Variants in MAP3K4 observed in about 807,000 individuals in gnomAD.
The protein encoded by MAP3K4 is MAP three kinase 1.
MAP3K4 carries 67 observed loss-of-function variants against 185.6 expected under a neutral mutation model. That is an observed-to-expected ratio of 0.36 (90% CI 0.30 to 0.44). The LOEUF (loss-of-function observed/expected upper bound fraction) is 0.44, where lower values mean the gene tolerates loss of function less well. Ranked by LOEUF, MAP3K4 falls within the 20% of genes least tolerant of loss-of-function variation. The probability of loss-of-function intolerance (pLI) is 1.00; values close to 1 mark genes in which losing one functional copy is unlikely to be tolerated. For missense variants in MAP3K4, 1,551 were observed against 1,995.1 expected (o/e 0.78, Z 4.24); for synonymous variants, 702 against 710.4 (o/e 0.99, Z 0.19).
Position 161,107,055 on chromosome 6 carries a change from C to G in MAP3K4, c.4048+350C>G, listed in dbSNP as rs1267763751. Among the ~76,000 whole-genome samples the G allele has an allele frequency of 7.9e-6, 1 of 126,804 alleles. No homozygotes were observed. The highest frequency in any genetic ancestry group is 2.6e-5 in the African/African-American group (1 of 39,194). The allele number at this position is 126,804 out of a possible 152,430, so 83.2% of individuals were successfully genotyped here. ...CTCTCTCTACACACGCGCGCGCACA[C>G]ACACACACACACACACACACACACG... On this transcript the variant is annotated intron_variant, in intron 20 of 26. Transcript: ENST00000392142. This position sits in a 1 kb window ranked among gnomAD's most constrained non-coding sequence, Gnocchi z 6.2.
chr6:161,113,911 C>T (rs1778477674), intron 25 of MAP3K4, among the ~76,000 whole-genome samples: 1 of 148,022 alleles, frequency 6.8e-6, no homozygotes, highest in Non-Finnish European at 1.5e-5. Flanking sequence ...AATTCTTCTG[C>T]CTCAGCCTCC....
At chr6:161,027,422 G>T (rs1782725934) in intron 1 of MAP3K4, among the ~76,000 whole-genome samples, 1 of 152,110 alleles carries the variant, frequency 6.6e-6, no homozygotes, top group African/African-American at 2.4e-5. Context: ...GTCAGTATAG[G>T]TGAGTAACAT....
rs554780487 is a variant in MAP3K4 at position 161,110,779 on chromosome 6, A to C, written c.4396+865A>C. Among the ~76,000 whole-genome samples, 58 of 152,192 alleles carry C rather than the reference A, an allele frequency of 3.8e-4. No homozygotes were observed. Among genetic ancestry groups the C allele is most frequent in the Non-Finnish European group, 6.8e-4 (46 of 68,008 alleles). On this transcript the variant is annotated intron_variant, in intron 23 of 26. Transcript: ENST00000392142. This position sits in a 1 kb window ranked among gnomAD's most constrained non-coding sequence, Gnocchi z 4.8. ...GAATCACCCAGCATACACCGGTCTC[A>C]TTGGCTGCCTGCCTGTCCGCTACCT...
Position 161,086,664 on chromosome 6 carries a change from C to G in MAP3K4, c.2553C>G (p.Val851=), listed in dbSNP as rs1461627558. Residue 851 remains valine (V), a synonymous_variant, in exon 9 of 27, where the codon GTC becomes GTG. Coordinates refer to ENST00000392142, the MANE Select transcript of MAP3K4 (RefSeq NM_005922.4). The surrounding 1 kb of genome is among the most constrained non-coding windows in gnomAD (Gnocchi z 4.8). ...LLDVLKSKQY[V]KVQIPGLENL... ...ATGTTCTGAAATCAAAACAGTATGT[C>G]AAGGTAAGTACTTCAAATGTTGTGA... The G allele has an allele frequency of 6.2e-7, 1 of 1,609,748 alleles. No homozygotes were observed. Among genetic ancestry groups the G allele is most frequent in the African/African-American group, 1.3e-5 (1 of 74,694 alleles).
In MAP3K4 at chr6:161,054,514, T is replaced by A. The variant is rs907195211; in HGVS notation, c.1707+4535T>A. Reference sequence around the variant, plus strand: ...TCAAAATATTTTAAAAGAACTGAACTAGCAATACTAAAAAAAAATCTGTTT... The same window carrying A: ...TCAAAATATTTTAAAAGAACTGAACAAGCAATACTAAAAAAAAATCTGTTT... On this transcript the variant is annotated intron_variant, in intron 3 of 26. Transcript: ENST00000392142. This position sits in a 1 kb window ranked among gnomAD's most constrained non-coding sequence, Gnocchi z 4.2. Among the ~76,000 whole-genome samples the A allele has an allele frequency of 1.3e-5, 2 of 152,144 alleles. No individual in the cohort carries two copies. Among genetic ancestry groups the A allele is most frequent in the African/African-American group, 4.8e-5 (2 of 41,404 alleles).
chr6:161,087,362 A>G lies in MAP3K4; in HGVS notation c.2557-326A>G, dbSNP rs1381705816. ...CCAGGTGACTTTTTGTAAGCATCAC[A>G]AACTAGCAGTGGTTGAGGTTCTTTC... On this transcript the variant is annotated intron_variant, in intron 9 of 26. Coordinates refer to ENST00000392142, the MANE Select transcript of MAP3K4 (RefSeq NM_005922.4). This position sits in a 1 kb window ranked among gnomAD's most constrained non-coding sequence, Gnocchi z 4.9. Among the ~76,000 whole-genome samples, 1 of 152,230 alleles carries G rather than the reference A, an allele frequency of 6.6e-6. No individual in the cohort carries two copies.
At chr6:161,102,064 G>C (rs2114896412) in intron 18 of MAP3K4, 72 bp downstream of exon 18, 14 of 1,203,770 alleles carry the variant, frequency 1.2e-5, no homozygotes, top group Middle Eastern at 1.9e-4. Flanking sequence ...AGTTTCTGTT[G>C]TTAATGCCTT....
chr6:161,070,093 C>T lies in MAP3K4; in HGVS notation c.1708-515C>T, dbSNP rs888910226. ...GATTTTTTAATTTTTCTGTCAGCAT[C>T]GTTCATTACAGCTCAGGGGAACAAA... On this transcript the variant is annotated intron_variant, in intron 3 of 26. Transcript: ENST00000392142. This position sits in a 1 kb window ranked among gnomAD's most constrained non-coding sequence, Gnocchi z 4.5. Among the ~76,000 whole-genome samples, 2 of 152,140 alleles carry T rather than the reference C, an allele frequency of 1.3e-5. No homozygotes were observed. The highest frequency in any genetic ancestry group is 6.5e-5 in the Admixed American group (1 of 15,272).
Position 161,048,680 on chromosome 6 carries a change from A to C in MAP3K4, c.408A>C (p.Glu136Asp). 6.2e-7 allele frequency: 1 copy of C among 1,613,886 alleles called. No homozygotes were observed. Among genetic ancestry groups the C allele is most frequent in the African/African-American group, 1.3e-5 (1 of 75,036 alleles). ...KDTGKTVENV[E>D]EYSYKQEKKI... ...CTGGAAAAACAGTGGAGAATGTGGA[A>C]GAATACAGCTATAAGCAGGAGAAAA... Residue 136 changes from glutamate (E) to aspartate (D), a missense_variant, in exon 3 of 27, where the codon GAA (glutamate) becomes GAC (aspartate). Around this residue, in one of 16 missense-constraint regions of MAP3K4, gnomAD observed 287 missense variants for 268.8 expected, o/e 1.07. Transcript: ENST00000392142. The surrounding 1 kb of genome is among the most constrained non-coding windows in gnomAD (Gnocchi z 4.7).
chr6:161,115,276 C>T lies in MAP3K4; in HGVS notation c.4780C>T (p.Gln1594Ter). Residue 1594 changes from glutamine to a stop codon, truncating the protein, a stop_gained, in exon 26 of 27, where the codon CAG becomes TAG. Transcript: ENST00000392142. LOFTEE classifies it high-confidence loss of function. This position sits in a 1 kb window ranked among gnomAD's most constrained non-coding sequence, Gnocchi z 6.0. The part of the protein sequence containing the change: ...SDPKMRWTAS[Q>*]LLDHSFVKVC... ...CCCAAAGATGAGATGGACCGCCAGC[C>T]AGCTCCTCGACCATTCGTTTGTCAA... 1 of 1,614,050 alleles carries T rather than the reference C, an allele frequency of 6.2e-7. No individual in the cohort carries two copies. The highest frequency in any genetic ancestry group is 1.7e-5 in the Admixed American group (1 of 60,004).
chr6:161,098,496 G>T lies in MAP3K4; in HGVS notation c.3674+69G>T. 6.6e-7 allele frequency: 1 copy of T among 1,517,232 alleles called. No individual in the cohort carries two copies. The highest frequency in any genetic ancestry group is 8.9e-7 in the Non-Finnish European group (1 of 1,125,766). 94.0% of individuals were successfully genotyped at this position (1,517,232 alleles called of 1,614,324 possible). On this transcript the variant is annotated intron_variant, in intron 17 of 26. Transcript: ENST00000392142. The surrounding 1 kb of genome is among the most constrained non-coding windows in gnomAD (Gnocchi z 4.4). ...CATGCGCTTACACAGCAACCATAGT[G>T]TTAGGGTGTGTGCCGGCTGTGGTTG... is the stretch of plus-strand genomic sequence containing the variant.
In MAP3K4 at chr6:161,082,662, T is replaced by C. The variant is rs1474256245; in HGVS notation, c.2255+1624T>C. On this transcript the variant is annotated intron_variant, in intron 6 of 26. Coordinates refer to ENST00000392142, the MANE Select transcript of MAP3K4 (RefSeq NM_005922.4). This position sits in a 1 kb window ranked among gnomAD's most constrained non-coding sequence, Gnocchi z 4.2. ...AGTCGGTGTTGGAATCAGCGCTGAC[T>C]CCTTTGTTTCCTGCACACACTACCT... Among the ~76,000 whole-genome samples, 2 of 152,150 alleles carry C rather than the reference T, an allele frequency of 1.3e-5. No homozygotes were observed. Among genetic ancestry groups the C allele is most frequent in the Non-Finnish European group, 2.9e-5 (2 of 68,044 alleles).
rs112819107 is a variant in MAP3K4 at position 161,097,528 on chromosome 6, T to C, written c.3524+352T>C. On this transcript the variant is annotated intron_variant, in intron 16 of 26. Coordinates refer to ENST00000392142, the MANE Select transcript of MAP3K4 (RefSeq NM_005922.4). The surrounding 1 kb of genome is among the most constrained non-coding windows in gnomAD (Gnocchi z 4.9). ...ATAGTGTAGTCAACATTTGAAAACA[T>C]ACTAAATATCACTAAAAGTGGAGAA... is the stretch of plus-strand genomic sequence containing the variant. 1.2e-3 allele frequency among the ~76,000 whole-genome samples: 182 copies of C among 152,276 alleles called. 1 individual carries two copies. Among genetic ancestry groups the C allele is most frequent in the African/African-American group, 4.0e-3 (167 of 41,552 alleles).
intron 1 of MAP3K4, among the ~76,000 whole-genome samples, chr6:161,028,981 T>C (rs1487003779): frequency 6.6e-6 from 1 of 152,156 alleles, no homozygotes; most frequent in Non-Finnish European, 1.5e-5. Flanking sequence ...TGAGCTTAGC[T>C]CCCTTTGATT....
rs146425645 is a variant in MAP3K4 at position 161,054,211 on chromosome 6, A to G, written c.1707+4232A>G. On this transcript the variant is annotated intron_variant, in intron 3 of 26. Coordinates refer to ENST00000392142, the MANE Select transcript of MAP3K4 (RefSeq NM_005922.4). The surrounding 1 kb of genome is among the most constrained non-coding windows in gnomAD (Gnocchi z 4.2). ...CTCTTGTTGCCCAGGCTGGAGTGCA[A>G]TGGCGCTATCTCAGCTCCCTGAGAC... Among the ~76,000 whole-genome samples, 1,006 of 152,188 alleles carry G rather than the reference A, an allele frequency of 6.6e-3. 16 individuals are homozygous for G. The highest frequency in any genetic ancestry group is 0.023 in the African/African-American group (938 of 41,508).
intron 1 of MAP3K4, among the ~76,000 whole-genome samples, chr6:161,012,294 G>A (rs1279880054): frequency 2.6e-5 from 4 of 152,130 alleles, no homozygotes; most frequent in South Asian, 2.1e-4. Flanking sequence ...GTTCCTATGC[G>A]TCAGTTGCCC....
At chr6:161,047,220 T>C (rs2114756043) in intron 2 of MAP3K4, among the ~76,000 whole-genome samples, 1 of 148,706 alleles carries the variant, frequency 6.7e-6, no homozygotes, top group East Asian at 2.0e-4. Context: ...GTGGGAGGAT[T>C]GTTTGAGCCC....
At chr6:161,052,853 G>A (rs956939461) in intron 3 of MAP3K4, among the ~76,000 whole-genome samples, 1 of 152,050 alleles carries the variant, frequency 6.6e-6, no homozygotes, top group Non-Finnish European at 1.5e-5. Flanking sequence ...TCCATTAACT[G>A]GGTTTCATTT....
chr6:161,104,835 T>C (rs1351108515), intron 19 of MAP3K4, among the ~76,000 whole-genome samples: 1 of 152,134 alleles, frequency 6.6e-6, no homozygotes, highest in Non-Finnish European at 1.5e-5. Context: ...TTTGCAGTGT[T>C]GTATATTGAG....
Sources: gnomAD v4.1 joint callset for allele counts (sites outside exome capture counted in the v4.1 genomes callset) on GRCh38, gnomAD v4.1.1 for gene constraint, gnomAD v4.1.1 regional missense constraint, Gnocchi (gnomAD v3.1) non-coding constraint, MANE v1.5 for transcripts, NCBI Gene and HGNC (gene_info 2026-07-23, HGNC 2026-07-21) for gene names.